Variants in CIT observed in about 807,000 individuals in gnomAD.
CIT encodes the protein citron Rho-interacting kinase.
A neutral mutation model predicts 272.7 loss-of-function variants in CIT; 79 were observed. The ratio of observed to expected loss-of-function variants is 0.29; its 90% CI spans 0.24 to 0.35. The LOEUF (loss-of-function observed/expected upper bound fraction) is 0.35, where lower values mean the gene tolerates loss of function less well. Ranked by LOEUF, CIT falls within the 10% of genes least tolerant of loss-of-function variation. CIT has a pLI of 1.00. For missense variants in CIT, 1,909 were observed against 2,618.3 expected (o/e 0.73, Z 5.91); for synonymous variants, 948 against 995.6 (o/e 0.95, Z 0.90).
rs773145311 is a variant in CIT at position 119,734,244 on chromosome 12, G to A, written c.3270C>T (p.Ser1090=). 1.7e-5 allele frequency: 28 copies of A among 1,613,692 alleles called. No individual in the cohort carries two copies. Among genetic ancestry groups the A allele is most frequent in the Admixed American group, 3.3e-5 (2 of 59,968 alleles). The part of the protein sequence containing the change: ...EKERQWEAWR[S]VLGDEKSQFE... ...ACTGGGATTTCTCATCACCCAGGACGCTCCTCCAGGCCTCCCACTGCCGCT... is the reference window on the plus strand; with the variant it reads ...ACTGGGATTTCTCATCACCCAGGACACTCCTCCAGGCCTCCCACTGCCGCT... The change falls in exon 26 of 48, where the codon AGC becomes AGT. Residue 1090 remains serine, a synonymous_variant. Transcript: ENST00000392521.
intron 2 of CIT, among the ~76,000 whole-genome samples, chr12:119,872,154 T>C (rs1453208925): frequency 6.6e-6 from 1 of 152,198 alleles, no homozygotes; most frequent in East Asian, 1.9e-4. Flanking sequence ...GTTCTTCCTG[T>C]CTTGTTGTTT....
intron 5 of CIT, among the ~76,000 whole-genome samples, chr12:119,837,731 C>T (rs1969104961): frequency 6.6e-6 from 1 of 152,168 alleles, no homozygotes; most frequent in African/African-American, 2.4e-5. Context: ...TAGGTTAGAA[C>T]TTCCCAAGCC....
intron 3 of CIT, among the ~76,000 whole-genome samples, chr12:119,866,740 G>C (rs1950526082): frequency 6.6e-6 from 1 of 152,160 alleles, no homozygotes; most frequent in African/African-American, 2.4e-5. Flanking sequence ...GATTGCTTGA[G>C]CCCAAGAGTT....
intron 5 of CIT, among the ~76,000 whole-genome samples, chr12:119,834,866 T>C (rs116334172): frequency 9.2e-4 from 140 of 152,322 alleles, no homozygotes; most frequent in African/African-American, 3.3e-3. Context: ...TATCCATCAG[T>C]TAGAGACTGG....
In CIT at chr12:119,766,068, C is replaced by T. The variant is rs184481488; in HGVS notation, c.2304+1019G>A. Among the ~76,000 whole-genome samples, 261 of 152,004 alleles carry T rather than the reference C, an allele frequency of 1.7e-3. 1 individual carries two copies. Among genetic ancestry groups the T allele is most frequent in the African/African-American group, 5.8e-3 (242 of 41,446 alleles). On this transcript the variant is annotated intron_variant, in intron 19 of 47. Transcript: ENST00000392521. Reference sequence around the variant, plus strand: ...CAGGGAACAACACAAACCCTGTCAGCGGGGGTGGGGTGGGGAGAGCATCAG... The same window carrying T: ...CAGGGAACAACACAAACCCTGTCAGTGGGGGTGGGGTGGGGAGAGCATCAG...
At chr12:119,828,957 C>T (rs1045160314) in intron 7 of CIT, among the ~76,000 whole-genome samples, 3 of 149,280 alleles carry the variant, frequency 2.0e-5, no homozygotes, top group Non-Finnish European at 4.4e-5. Context: ...GAAGAGTCTG[C>T]CATATTTTGG....
intron 16 of CIT, among the ~76,000 whole-genome samples, chr12:119,775,530 G>A (rs192406663): frequency 3.9e-4 from 60 of 152,304 alleles, no homozygotes; most frequent in Non-Finnish European, 6.0e-4. Context: ...GGGTTCTGTC[G>A]TAGTATAATT....
In CIT at chr12:119,767,754, T is replaced by C. The variant is rs562217713; in HGVS notation, c.2209-572A>G. ...AGATGTGCATGTGATATAATGTTCATATGATACAATGCAAATGGGGACAAA... is the reference window on the plus strand; with the variant it reads ...AGATGTGCATGTGATATAATGTTCACATGATACAATGCAAATGGGGACAAA... On this transcript the variant is annotated intron_variant, in intron 18 of 47. Transcript: ENST00000392521. Among the ~76,000 whole-genome samples, 7 of 152,268 alleles carry C rather than the reference T, an allele frequency of 4.6e-5. 1 individual carries two copies. The East Asian group carries it at 1.3e-3, about 29-fold the overall frequency.
intron 7 of CIT, among the ~76,000 whole-genome samples, chr12:119,829,727 G>A (rs1262228298): frequency 1.3e-5 from 2 of 152,184 alleles, no homozygotes; most frequent in East Asian, 3.9e-4. Context: ...AGTGAAGTGG[G>A]TGACCTAAGT....
chr12:119,705,545 A>G (rs1346714238), intron 40 of CIT, among the ~76,000 whole-genome samples: 1 of 152,170 alleles, frequency 6.6e-6, no homozygotes, highest in Non-Finnish European at 1.5e-5. Flanking sequence ...TTTATGATTT[A>G]CATATATGTT....
chr12:119,822,405 T>C (rs1366988243), intron 9 of CIT, among the ~76,000 whole-genome samples: 1 of 152,244 alleles, frequency 6.6e-6, no homozygotes, highest in Non-Finnish European at 1.5e-5. Context: ...GAGGTGTTTA[T>C]GGTTTTTGTT....
In CIT at chr12:119,712,785, G is replaced by A; in HGVS notation, c.4580-90C>T. ...AGAGAGCGAGAGAGACAGCAAGGGA[G>A]AGAGAGACAGGGTACGTGTGTAAAG... On this transcript the variant is annotated intron_variant, in intron 35 of 47. Coordinates refer to ENST00000392521, the MANE Select transcript of CIT (RefSeq NM_001206999.2). The surrounding 1 kb of genome is among the most constrained non-coding windows in gnomAD (Gnocchi z 5.2). 2 of 1,042,754 alleles carry A rather than the reference G, an allele frequency of 1.9e-6. No individual in the cohort carries two copies. Among genetic ancestry groups the A allele is most frequent in the African/African-American group, 1.6e-5 (1 of 63,900 alleles). 64.6% of individuals were successfully genotyped at this position (1,042,754 alleles called of 1,614,324 possible). A position where few individuals can be genotyped will look rare whatever the true frequency, so the allele number is the denominator to read the frequency against.
chr12:119,872,099 C>G (rs1175399926), intron 2 of CIT, among the ~76,000 whole-genome samples: 1 of 152,158 alleles, frequency 6.6e-6, no homozygotes, highest in Admixed American at 6.5e-5. Context: ...TTTTATAAAA[C>G]TAAATGTATT....
At chr12:119,836,617 AC>A (rs1410928284) in intron 5 of CIT, among the ~76,000 whole-genome samples, 3 of 152,270 alleles carry the variant, frequency 2.0e-5, no homozygotes, top group Non-Finnish European at 2.9e-5. Flanking sequence ...TACTTTTAGT[AC>A]TGAAATGTCT....
intron 7 of CIT, among the ~76,000 whole-genome samples, chr12:119,832,548 A>G (rs1046358389): frequency 1.1e-4 from 16 of 152,240 alleles, no homozygotes; most frequent in African/African-American, 3.6e-4. Context: ...TAACCAAACT[A>G]TAACAATGCT....
At position 119,747,775 on chromosome 12, in the gene CIT, A is replaced by C. The variant is rs921910669; in HGVS notation, c.2904+4275T>G. On this transcript the variant is annotated intron_variant, in intron 23 of 47. Transcript: ENST00000392521. ...GATATTTTTCAAATATTTATTTTTT[A>C]TTTCTTTTAAAATAACACTAACATT... 3.9e-5 allele frequency among the ~76,000 whole-genome samples: 6 copies of C among 152,214 alleles called. No individual in the cohort carries two copies. The South Asian group carries it at 1.2e-3, about 31-fold the overall frequency.
rs867086650 is a variant in CIT at position 119,697,570 on chromosome 12, G to T, written c.5882+89C>A. On this transcript the variant is annotated intron_variant, in intron 46 of 47. Coordinates refer to ENST00000392521, the MANE Select transcript of CIT (RefSeq NM_001206999.2). The surrounding 1 kb of genome is among the most constrained non-coding windows in gnomAD (Gnocchi z 4.9). Reference sequence around the variant, plus strand: ...AGCTTAAGAACAAAGTGAAGATTGGGAAACATTCTACTGGTTTAGTATCAC... The same window carrying T: ...AGCTTAAGAACAAAGTGAAGATTGGTAAACATTCTACTGGTTTAGTATCAC... The T allele has an allele frequency of 2.7e-5, 36 of 1,331,590 alleles. 1 individual carries two copies. The Middle Eastern group carries it at 1.3e-3, about 48-fold the overall frequency. 82.5% of individuals were successfully genotyped at this position (1,331,590 alleles called of 1,614,324 possible). A position where few individuals can be genotyped will look rare whatever the true frequency, so the allele number is the denominator to read the frequency against.
At chr12:119,724,930 CAAAAAAAA>C (rs35757526) in intron 28 of CIT, among the ~76,000 whole-genome samples, 2 of 44,528 alleles carry the variant, frequency 4.5e-5, no homozygotes, top group Admixed American at 3.4e-4. Context: ...GACTCCATCT[CAAAAAAAA>C]AAAAAAAAAA....
In CIT at chr12:119,718,783, G is replaced by A; in HGVS notation, c.3919C>T (p.Leu1307=). Residue 1307 remains leucine (L), a synonymous_variant, in exon 31 of 48, where the codon CTG becomes TTG. Coordinates refer to ENST00000392521, the MANE Select transcript of CIT (RefSeq NM_001206999.2). The surrounding 1 kb of genome is among the most constrained non-coding windows in gnomAD (Gnocchi z 4.8). ...GCACAGCGAGCTTTCTCCTTCTCCA[G>A]GGCCAGCTTCAGCTCATTGTACTGC... The part of the protein sequence containing the change: ...PLQYNELKLA[L]EKEKARCAEL... 6.2e-7 allele frequency: 1 copy of A among 1,614,166 alleles called. No homozygotes were observed. Among genetic ancestry groups the A allele is most frequent in the East Asian group, 2.2e-5 (1 of 44,874 alleles).
Sources: allele counts gnomAD v4.1 joint callset (sites outside exome capture counted in the v4.1 genomes callset), GRCh38; gene constraint gnomAD v4.1.1; non-coding constraint Gnocchi (gnomAD v3.1); transcripts MANE v1.5; gene names NCBI Gene and HGNC (gene_info 2026-07-23, HGNC 2026-07-21).